The following DSCC1 variants were observed in gnomAD, a reference collection of about 807,000 sequenced individuals.
DSCC1 encodes sister chromatid cohesion protein DCC1.
Under a neutral mutation model 48.2 loss-of-function variants are expected in DSCC1, and 32 were observed. The ratio of observed to expected loss-of-function variants is 0.66; its 90% CI spans 0.50 to 0.89. DSCC1 has a LOEUF of 0.89. Ranked by LOEUF, DSCC1 falls within the 40% of genes least tolerant of loss-of-function variation. The pLI, the probability that DSCC1 is intolerant of heterozygous loss-of-function variation, is 0.00. For synonymous variants in DSCC1, 150 were observed against 171.5 expected, an observed-to-expected ratio of 0.87 and a Z score of 0.98; for missense variants, 421 against 471.7, an observed-to-expected ratio of 0.89 and a Z score of 1.00.
At chr8:119,853,871 GAT>G (rs1491144134) in intron 1 of DSCC1, among the ~76,000 whole-genome samples, 1 of 152,186 alleles carries the variant, frequency 6.6e-6, no homozygotes, top group African/African-American at 2.4e-5. Context: ...ATATGAAAAG[GAT>G]ATGTTTAAAA....
In DSCC1 at chr8:119,855,871, A is replaced by G; in HGVS notation, c.-76T>C. On this transcript the variant is annotated 5_prime_UTR_variant, in exon 1 of 9. Coordinates refer to ENST00000313655, the MANE Select transcript of DSCC1 (RefSeq NM_024094.3). ...GCGGGCAAGAAAGAAGTTCCCAAGC[A>G]GCCGGAAGGTAGGAAACCTGAGCGT... 2 of 1,393,584 alleles carry G rather than the reference A, an allele frequency of 1.4e-6. No individual in the cohort carries two copies. The highest frequency in any genetic ancestry group is 1.9e-6 in the Non-Finnish European group (2 of 1,071,876). 86.3% of individuals were successfully genotyped at this position (1,393,584 alleles called of 1,614,324 possible).
chr8:119,843,446 A>G (rs1458768563), intron 5 of DSCC1, among the ~76,000 whole-genome samples, 163 bp downstream of exon 5: 1 of 152,182 alleles, frequency 6.6e-6, no homozygotes, highest in Non-Finnish European at 1.5e-5. Flanking sequence ...TATTCACCCC[A>G]GTGACCAAAA....
intron 7 of DSCC1, among the ~76,000 whole-genome samples, 172 bp downstream of exon 7, chr8:119,841,622 T>A (rs1295708114): frequency 6.6e-6 from 1 of 152,252 alleles, no homozygotes; most frequent in Non-Finnish European, 1.5e-5. Flanking sequence ...ATGTAAATTA[T>A]ACCCCAATAC....
At position 119,846,927 on chromosome 8, in the gene DSCC1, A is replaced by G. The variant is rs1826865188; in HGVS notation, c.577+63T>C. The G allele has an allele frequency of 2.0e-5, 30 of 1,481,592 alleles. 1 individual carries two copies. In the South Asian group the frequency reaches 3.3e-4, roughly 16 times the overall value. 91.8% of individuals were successfully genotyped at this position (1,481,592 alleles called of 1,614,324 possible). A position where few individuals can be genotyped will look rare whatever the true frequency, so the allele number is the denominator to read the frequency against. On this transcript the variant is annotated intron_variant, in intron 4 of 8. Transcript: ENST00000313655. ...ATACGCAGTAGGGTGAAGATGTCCAAAAACTTCTCTCCCTTATGATGCCCA... is the reference window on the plus strand; with the variant it reads ...ATACGCAGTAGGGTGAAGATGTCCAGAAACTTCTCTCCCTTATGATGCCCA...
At chr8:119,845,648 A>T (rs1327807285) in intron 4 of DSCC1, among the ~76,000 whole-genome samples, 1 of 143,912 alleles carries the variant, frequency 6.9e-6, no homozygotes, top group African/African-American at 2.7e-5. Flanking sequence ...TTTGCCTTTA[A>T]AAAAAAAAAA....
chr8:119,847,723 T>A (rs1194715656), intron 3 of DSCC1, among the ~76,000 whole-genome samples: 15 of 150,896 alleles, frequency 9.9e-5, no homozygotes, highest in Non-Finnish European at 1.8e-4. Flanking sequence ...TAGAGTGCAA[T>A]GGTGCGATCT....
intron 7 of DSCC1, 32 bp downstream of exon 7, chr8:119,841,762 T>G: frequency 6.3e-7 from 1 of 1,599,384 alleles, no homozygotes; most frequent in Non-Finnish European, 8.5e-7. Context: ...AATCAACTGT[T>G]GAAGTAAGGT....
intron 8 of DSCC1, among the ~76,000 whole-genome samples, chr8:119,835,233 C>T (rs1199990043): frequency 6.6e-6 from 1 of 152,042 alleles, no homozygotes; most frequent in African/African-American, 2.4e-5. Flanking sequence ...GTAGGCCAGG[C>T]GGGTGGCTCA....
At position 119,841,850 on chromosome 8, in the gene DSCC1, C is replaced by G; in HGVS notation, c.868G>C (p.Glu290Gln). 6.2e-7 allele frequency: 1 copy of G among 1,614,132 alleles called. No individual in the cohort carries two copies. The highest frequency in any genetic ancestry group is 8.5e-7 in the Non-Finnish European group (1 of 1,180,008). Residue 290 changes from glutamate (E) to glutamine (Q), a missense_variant, in exon 7 of 9, where the codon GAA (glutamate) becomes CAA (glutamine). This residue lies in a region of DSCC1 where 238 missense variants were observed against 259.0 expected (regional missense o/e 0.92). Coordinates refer to ENST00000313655, the MANE Select transcript of DSCC1 (RefSeq NM_024094.3). ...AVKFNLAEFQEVWQQSVPEGM... is the reference protein window; with the variant it reads ...AVKFNLAEFQQVWQQSVPEGM... The stretch of plus-strand genomic sequence containing the variant: ...TCAGGAACACTCTGCTGCCACACTT[C>G]TTGAAACTCAGCGAGATTGAATTTC...
chr8:119,839,233 C>T (rs1344246906), intron 7 of DSCC1: 5 of 152,066 alleles, frequency 3.3e-5, no homozygotes, highest in African/African-American at 4.8e-5. Context: ...CACTTACTTG[C>T]TAATGACTAT....
In DSCC1 at chr8:119,855,594, G is replaced by C; in HGVS notation, c.182+20C>G. 6.5e-7 allele frequency: 1 copy of C among 1,529,512 alleles called. No individual in the cohort carries two copies. Among genetic ancestry groups the C allele is most frequent in the Non-Finnish European group, 8.8e-7 (1 of 1,140,572 alleles). The allele number at this position is 1,529,512 out of a possible 1,614,324, so 94.7% of individuals were successfully genotyped here. Reference sequence around the variant, plus strand: ...ACGTGGCCGGCCAGAGGCTGGGGGCGCCGCGTGACCAGGGCTCACCTGTGT... The same window carrying C: ...ACGTGGCCGGCCAGAGGCTGGGGGCCCCGCGTGACCAGGGCTCACCTGTGT... On this transcript the variant is annotated intron_variant, in intron 1 of 8. Coordinates refer to ENST00000313655, the MANE Select transcript of DSCC1 (RefSeq NM_024094.3).
intron 3 of DSCC1, among the ~76,000 whole-genome samples, chr8:119,848,314 C>G (rs1826891600): frequency 6.6e-6 from 1 of 151,980 alleles, no homozygotes; most frequent in Admixed American, 6.6e-5. Flanking sequence ...TTGAAAAAAG[C>G]AAGAAAGTCG....
chr8:119,847,582 CTAA>C (rs1180509639), intron 3 of DSCC1, among the ~76,000 whole-genome samples: 5 of 150,834 alleles, frequency 3.3e-5, no homozygotes, highest in African/African-American at 1.2e-4. Flanking sequence ...ATGGATAGTG[CTAA>C]TGACTGCACA....
At chr8:119,838,585 G>T (rs1826720493) in intron 7 of DSCC1, among the ~76,000 whole-genome samples, 178 bp from the exon 8 acceptor site, 1 of 152,158 alleles carries the variant, frequency 6.6e-6, no homozygotes, top group Admixed American at 6.5e-5. Context: ...CCTTTAAGCA[G>T]TGACTTCTTT....
rs937760259 is a variant in DSCC1 at position 119,853,212 on chromosome 8, A to G, written c.186T>C (p.Leu62=). The G allele has an allele frequency of 1.9e-6, 3 of 1,602,238 alleles. No homozygotes were observed. The highest frequency in any genetic ancestry group is 2.7e-5 in the African/African-American group (2 of 74,632). Residue 62 remains leucine (L), a synonymous_variant, in exon 2 of 9, where the codon CTT becomes CTC. Transcript: ENST00000313655. ...GCTCGTCTTTATCACCACGAATCACAAGACTGTAGCAAAATGGGGGAAAAA... is the reference window on the plus strand; with the variant it reads ...GCTCGTCTTTATCACCACGAATCACGAGACTGTAGCAAAATGGGGGAAAAA... The part of the protein sequence containing the change: ...LCQQLEDGHS[L]VIRGDKDEQA...
At chr8:119,848,430 GATAA>G (rs1374109615) in intron 3 of DSCC1, among the ~76,000 whole-genome samples, 2 of 152,126 alleles carry the variant, frequency 1.3e-5, no homozygotes, top group Non-Finnish European at 2.9e-5. Flanking sequence ...GTAATAAAAA[GATAA>G]ATAATTAAAA....
intron 7 of DSCC1, 23 bp downstream of exon 7, chr8:119,841,771 G>A (rs570254758): frequency 1.9e-6 from 3 of 1,600,746 alleles, no homozygotes; most frequent in East Asian, 2.2e-5. Context: ...TTGAAGTAAG[G>A]TGGCAATGTC....
intron 5 of DSCC1, among the ~76,000 whole-genome samples, chr8:119,843,188 A>C (rs1395802531): frequency 6.6e-6 from 1 of 151,194 alleles, no homozygotes; most frequent in Non-Finnish European, 1.5e-5. Context: ...TCCGGAGTTC[A>C]AGCAATTCTC....
intron 7 of DSCC1, chr8:119,838,611 G>A: frequency 4.3e-6 from 2 of 462,610 alleles, no homozygotes; most frequent in South Asian, 1.3e-4. Context: ...TCTGCAATCT[G>A]GCTTCTACCA....
Sources: gnomAD v4.1 joint callset for allele counts (sites outside exome capture counted in the v4.1 genomes callset) on GRCh38, gnomAD v4.1.1 for gene constraint, gnomAD v4.1.1 regional missense constraint, MANE v1.5 for transcripts, NCBI Gene and HGNC (gene_info 2026-07-23, HGNC 2026-07-21) for gene names.